The following CHCHD3 variants were observed in gnomAD, a reference collection of about 807,000 sequenced individuals.
The protein encoded by CHCHD3 is coiled-coil-helix-coiled-coil-helix domain containing 3.
In CHCHD3, 20 loss-of-function variants were observed where a neutral mutation model predicts 38.2. The ratio of observed to expected loss-of-function variants is 0.52; its 90% confidence interval spans 0.37 to 0.76. CHCHD3 has a LOEUF of 0.76. CHCHD3 is among the 30% of genes least tolerant of loss of function. CHCHD3 has a pLI of 0.00. For synonymous variants in CHCHD3, 82 were observed against 100.0 expected (o/e 0.82, Z 1.07); for missense variants, 245 against 279.2 (o/e 0.88, Z 0.87).
At chr7:132,998,957 G>A (rs1812495016) in intron 3 of CHCHD3, among the ~76,000 whole-genome samples, 1 of 152,148 alleles carries the variant, frequency 6.6e-6, no homozygotes, top group Non-Finnish European at 1.5e-5. Context: ...AAATCACAGT[G>A]CTCTGAAGAA....
rs759910946 is a variant in CHCHD3 at position 132,975,215 on chromosome 7, C to T, written c.323G>A (p.Arg108Gln). ...ANEQLTRAIL[R>Q]ERICSEEERA... ...TTCCTCCTCGCTACATATCCTCTCC[C>T]GAAGGATGGCTCTGGTTAACTGCTC... Residue 108 changes from arginine to glutamine, a missense_variant, in exon 4 of 8, where the codon CGG becomes CAG. Transcript: ENST00000262570. 18 of 1,612,598 alleles carry T rather than the reference C, an allele frequency of 1.1e-5. No homozygotes were observed. The South Asian group carries it at 1.4e-4, about 13-fold the overall frequency.
intron 2 of CHCHD3, among the ~76,000 whole-genome samples, chr7:133,036,209 T>G (rs1054538067): frequency 6.6e-6 from 1 of 152,186 alleles, no homozygotes; most frequent in Non-Finnish European, 1.5e-5. Flanking sequence ...AAATTGTAAA[T>G]TAAATGAATC....
chr7:132,905,442 C>A (rs1187163923), intron 4 of CHCHD3, among the ~76,000 whole-genome samples: 1 of 151,920 alleles, frequency 6.6e-6, no homozygotes, highest in African/African-American at 2.4e-5. Flanking sequence ...ACACTGGGGC[C>A]TGCTGGGGGG....
Position 133,035,704 on chromosome 7 carries a change from T to G in CHCHD3, c.170-11077A>C. The G allele has an allele frequency of 6.2e-7, 1 of 1,613,468 alleles. No homozygotes were observed. Among genetic ancestry groups the G allele is most frequent in the South Asian group, 1.1e-5 (1 of 91,046 alleles). ...TTGCTCACATAGTAGGCAATGGCGT[T>G]GCTCTCAAACACACAGAATCCATCA... On this transcript the variant is annotated intron_variant, in intron 2 of 7. Coordinates refer to ENST00000262570, the MANE Select transcript of CHCHD3 (RefSeq NM_017812.4). The surrounding 1 kb of genome is among the most constrained non-coding windows in gnomAD (Gnocchi z 4.7).
Position 133,074,210 on chromosome 7 carries a change from C to G in CHCHD3, c.82-3981G>C, listed in dbSNP as rs141693421. On this transcript the variant is annotated intron_variant, in intron 1 of 7. Transcript: ENST00000262570. ...CAACAAATGTCTCCCAGGCCAGGCA[C>G]TAATCAAGGCCCTGTGATACATCAG... Among the ~76,000 whole-genome samples the G allele has an allele frequency of 8.5e-4, 130 of 152,342 alleles. No individual in the cohort carries two copies. The Middle Eastern group carries it at 0.024, about 28-fold the overall frequency.
chr7:133,017,827 A>G (rs1813070245), intron 3 of CHCHD3, among the ~76,000 whole-genome samples: 1 of 152,248 alleles, frequency 6.6e-6, no homozygotes, highest in Non-Finnish European at 1.5e-5. Context: ...TAGAAAATCC[A>G]AACTTCTATC....
chr7:132,988,731 T>C (rs1812193548), intron 3 of CHCHD3, among the ~76,000 whole-genome samples: 1 of 151,514 alleles, frequency 6.6e-6, no homozygotes, highest in Admixed American at 6.6e-5. Flanking sequence ...CTGGGCAACA[T>C]AGTGAGCCCC....
At chr7:132,834,540 G>A (rs189028454) in intron 6 of CHCHD3, among the ~76,000 whole-genome samples, 7 of 152,134 alleles carry the variant, frequency 4.6e-5, no homozygotes, top group South Asian at 2.1e-4. Context: ...TTTGCAGAGC[G>A]GGGGAGGGAG....
chr7:132,791,797 C>T (rs1003039493), intron 7 of CHCHD3, among the ~76,000 whole-genome samples: 15 of 152,128 alleles, frequency 9.9e-5, no homozygotes, highest in African/African-American at 1.9e-4. Flanking sequence ...AACGAGACAA[C>T]GGGGTGCACT....
At chr7:132,864,596 TTTTAAAAAGGCAAA>T (rs1396120267) in intron 5 of CHCHD3, among the ~76,000 whole-genome samples, 1 of 152,184 alleles carries the variant, frequency 6.6e-6, no homozygotes, top group Non-Finnish European at 1.5e-5. Context: ...ATTTGTATTT[TTTTAAAAAGGCAAA>T]TGAAGTATGT....
chr7:132,833,667 T>C (rs1807702268), intron 6 of CHCHD3, among the ~76,000 whole-genome samples: 1 of 152,186 alleles, frequency 6.6e-6, no homozygotes, highest in African/African-American at 2.4e-5. Context: ...GTGGATAAAG[T>C]AGGAGAAACA....
At chr7:132,866,806 A>G (rs1333496787) in intron 5 of CHCHD3, among the ~76,000 whole-genome samples, 2 of 152,228 alleles carry the variant, frequency 1.3e-5, no homozygotes, top group Non-Finnish European at 2.9e-5. Context: ...CAAACCTGGC[A>G]CTTTCTGAAA....
At position 132,790,663 on chromosome 7, in the gene CHCHD3, C is replaced by CA. The variant is rs1176821294; in HGVS notation, c.661-5004dup. 5.9e-5 allele frequency among the ~76,000 whole-genome samples: 9 copies of CA among 152,296 alleles called. No individual in the cohort carries two copies. The South Asian group carries it at 1.9e-3, about 32-fold the overall frequency. ...ATAATGATAAAGCAGCTTTCGAACA[C>CA]AATAAAAACATGCTCCTGGGGGGCT... On this transcript the variant is annotated intron_variant, in intron 7 of 7. Coordinates refer to ENST00000262570, the MANE Select transcript of CHCHD3 (RefSeq NM_017812.4).
At chr7:133,074,654 G>A (rs1434278751) in intron 1 of CHCHD3, among the ~76,000 whole-genome samples, 4 of 152,062 alleles carry the variant, frequency 2.6e-5, no homozygotes, top group Non-Finnish European at 5.9e-5. Context: ...TCCCATGCAT[G>A]TAATAAAAAT....
chr7:132,970,437 A>T (rs751916080), intron 4 of CHCHD3, among the ~76,000 whole-genome samples: 3 of 152,236 alleles, frequency 2.0e-5, no homozygotes, highest in Non-Finnish European at 4.4e-5. Context: ...GCACTCAATT[A>T]CGTGTTGAAT....
intron 4 of CHCHD3, among the ~76,000 whole-genome samples, chr7:132,920,348 CCCTGCT>C (rs766214419): frequency 2.2e-4 from 34 of 152,070 alleles, no homozygotes; most frequent in Non-Finnish European, 4.6e-4. Flanking sequence ...GTTTGCTGGC[CCCTGCT>C]CTAATAGAGA....
At chr7:132,845,715 T>G (rs1215777197) in intron 5 of CHCHD3, among the ~76,000 whole-genome samples, 1 of 152,224 alleles carries the variant, frequency 6.6e-6, no homozygotes, top group East Asian at 1.9e-4. Context: ...ACTGATTTGC[T>G]CATGGAGCAT....
At chr7:133,042,796 A>G (rs959150961) in intron 2 of CHCHD3, among the ~76,000 whole-genome samples, 1 of 152,258 alleles carries the variant, frequency 6.6e-6, no homozygotes, top group African/African-American at 2.4e-5. Context: ...ATTTTACTTA[A>G]AACATTTTAT....
intron 1 of CHCHD3, among the ~76,000 whole-genome samples, chr7:133,076,991 A>G (rs552371255): frequency 1.2e-3 from 178 of 152,212 alleles, no homozygotes; most frequent in African/African-American, 4.1e-3. Flanking sequence ...TTGCTTCACA[A>G]TTACCTTTTT....
Sources: allele counts gnomAD v4.1 joint callset (sites outside exome capture counted in the v4.1 genomes callset), GRCh38; gene constraint gnomAD v4.1.1; non-coding constraint Gnocchi (gnomAD v3.1); transcripts MANE v1.5; gene names NCBI Gene and HGNC (gene_info 2026-07-23, HGNC 2026-07-21).